Variants in AP4E1 observed in about 807,000 individuals in gnomAD.
The protein encoded by AP4E1 is AP-4 complex subunit epsilon-1.
A neutral mutation model predicts 128.2 loss-of-function variants in AP4E1; 56 were observed. That is an observed-to-expected ratio of 0.44 (90% CI 0.35 to 0.55). The LOEUF is 0.55. Ranked by LOEUF, AP4E1 falls within the 20% of genes least tolerant of loss-of-function variation. AP4E1 has a pLI of 0.00. For missense variants in AP4E1, 1,324 were observed against 1,307.7 expected (o/e 1.01, Z -0.19); for synonymous variants, 484 against 473.1 (o/e 1.02, Z -0.30).
chr15:50,944,730 G>C, intron 10 of AP4E1: 1 of 545,952 alleles, frequency 1.8e-6, no homozygotes, highest in Non-Finnish European at 3.3e-6. Flanking sequence ...CTTACAGAGA[G>C]TTCCAAGAAA....
intron 3 of AP4E1, among the ~76,000 whole-genome samples, chr15:50,922,795 TGAG>T (rs1159046309): frequency 6.6e-6 from 1 of 151,768 alleles, no homozygotes; most frequent in Non-Finnish European, 1.5e-5. Context: ...TTTTTTTTTT[TGAG>T]ACCGAGTCTT....
At chr15:50,951,909 C>A (rs188878996) in intron 13 of AP4E1, among the ~76,000 whole-genome samples, 3 of 151,892 alleles carry the variant, frequency 2.0e-5, no homozygotes, top group African/African-American at 7.2e-5. Context: ...GTATTTTTAG[C>A]AGAGATGGGG....
chr15:50,970,973 T>C (rs150542936), intron 15 of AP4E1, among the ~76,000 whole-genome samples: 1 of 152,302 alleles, frequency 6.6e-6, no homozygotes, highest in African/African-American at 2.4e-5. Context: ...ATTTTTGTAG[T>C]TGGGTGCTTT....
At chr15:50,948,894 A>C (rs12441714) in intron 11 of AP4E1, among the ~76,000 whole-genome samples, 91,643 of 151,076 alleles carry the variant, frequency 0.61, 27,932 homozygotes, top group Non-Finnish European at 0.63. Context: ...ATCGCTTGAA[A>C]CTGGGAGGCG....
Position 50,947,464 on chromosome 15 carries a change from CTG to C in AP4E1, c.1177-555_1177-554del, listed in dbSNP as rs560451493. Among the ~76,000 whole-genome samples, 754 of 151,350 alleles carry C rather than the reference CTG, an allele frequency of 5.0e-3. 11 individuals carry two copies. The highest frequency in any genetic ancestry group is 0.018 in the African/African-American group (730 of 41,258). ...CTATAAAACAGTTCTTCCTTGATGACTGAGATTTTGAACCTAGGCTTTGAAGC... is the reference window on the plus strand; with the variant it reads ...CTATAAAACAGTTCTTCCTTGATGACAGATTTTGAACCTAGGCTTTGAAGC... On this transcript the variant is annotated intron_variant, in intron 10 of 20. Transcript: ENST00000261842.
chr15:50,984,212 C>G (rs2064684600), intron 16 of AP4E1, 67 bp downstream of exon 16: 1 of 1,561,096 alleles, frequency 6.4e-7, no homozygotes, highest in Non-Finnish European at 8.8e-7. Flanking sequence ...GTTCCATTTG[C>G]CTTCTGCTCC....
chr15:50,910,720 A>T (rs553878802), intron 1 of AP4E1, among the ~76,000 whole-genome samples: 9 of 152,184 alleles, frequency 5.9e-5, no homozygotes, highest in African/African-American at 2.2e-4. Flanking sequence ...CAGTGGTGCA[A>T]TCTTGGCTCA....
At chr15:50,960,064 C>T (rs1004895594) in intron 14 of AP4E1, among the ~76,000 whole-genome samples, 1 of 152,014 alleles carries the variant, frequency 6.6e-6, no homozygotes, top group African/African-American at 2.4e-5. Context: ...ATCAGTTTAC[C>T]AAGGGCATAT....
rs1391093642 is a variant in AP4E1 at position 50,966,278 on chromosome 15, G to T, written c.1852-1985G>T. 2.0e-5 allele frequency among the ~76,000 whole-genome samples: 3 copies of T among 152,024 alleles called. No individual in the cohort carries two copies. In the South Asian group the frequency reaches 6.2e-4, roughly 32 times the overall value. ...ATTAGCTGAGAAAGAGAAAATAAAG[G>T]TTATTATTTCCACTAATTTTGACTC... On this transcript the variant is annotated intron_variant, in intron 14 of 20. Transcript: ENST00000261842.
At chr15:50,995,705 A>AT (rs1239250347) in intron 17 of AP4E1, among the ~76,000 whole-genome samples, 2 of 151,656 alleles carry the variant, frequency 1.3e-5, no homozygotes, top group African/African-American at 2.4e-5. Flanking sequence ...TTTTTAAGAC[A>AT]TTTTTTTCTG....
In AP4E1 at chr15:50,993,397, A is replaced by G. The variant is rs1291894058; in HGVS notation, c.2118A>G (p.Ile706Met). The change falls in exon 17 of 21, where the codon ATA becomes ATG. Residue 706 changes from isoleucine (I) to methionine (M), a missense_variant. Coordinates refer to ENST00000261842, the MANE Select transcript of AP4E1 (RefSeq NM_007347.5). ...CAAATAGCTTGAAGCTGGAAGGTAT[A>G]AAGAAATTGTGGGGGAAAGAAGGCT... is the stretch of plus-strand genomic sequence containing the variant. Reference protein sequence around the residue: ...KETNSLKLEGIKKLWGKEGYL... With the variant: ...KETNSLKLEGMKKLWGKEGYL... 1.2e-5 allele frequency: 20 copies of G among 1,613,958 alleles called. No individual in the cohort carries two copies. Among genetic ancestry groups the G allele is most frequent in the Non-Finnish European group, 1.6e-5 (19 of 1,179,924 alleles).
intron 3 of AP4E1, among the ~76,000 whole-genome samples, chr15:50,916,896 C>G (rs78013523): frequency 0.047 from 7,117 of 152,174 alleles, 170 homozygotes; most frequent in African/African-American, 0.072. Context: ...TCCCTAAAGG[C>G]AGGAATTTTT....
At chr15:50,968,156 A>T in intron 14 of AP4E1, 107 bp from the exon 15 acceptor site, 1 of 807,038 alleles carries the variant, frequency 1.2e-6, no homozygotes, top group Non-Finnish European at 2.0e-6. Flanking sequence ...TTCATTTCTC[A>T]TTTAGAATTT....
At chr15:50,989,557 C>T (rs1296331212) in intron 16 of AP4E1, among the ~76,000 whole-genome samples, 1 of 151,570 alleles carries the variant, frequency 6.6e-6, no homozygotes, top group African/African-American at 2.4e-5. Context: ...ATACTCCAAG[C>T]ATGGGGAGCA....
At chr15:50,910,009 C>T (rs1168614881) in intron 1 of AP4E1, among the ~76,000 whole-genome samples, 1 of 151,992 alleles carries the variant, frequency 6.6e-6, no homozygotes, top group African/African-American at 2.4e-5. Context: ...TTTTTAATGA[C>T]GGAGTCTCGC....
chr15:50,995,303 A>C (rs527450733), intron 17 of AP4E1, among the ~76,000 whole-genome samples: 1 of 150,374 alleles, frequency 6.7e-6, no homozygotes, highest in African/African-American at 2.4e-5. Flanking sequence ...ACTAGCTTTT[A>C]TTTTTAGGTC....
intron 2 of AP4E1, among the ~76,000 whole-genome samples, chr15:50,914,574 G>A (rs2063605361): frequency 1.3e-5 from 2 of 148,406 alleles, no homozygotes; most frequent in South Asian, 2.1e-4. Context: ...TCGCTTGAAC[G>A]TGGTAGGTGG....
At chr15:50,995,067 A>G (rs925649603) in intron 17 of AP4E1, among the ~76,000 whole-genome samples, 2 of 152,286 alleles carry the variant, frequency 1.3e-5, no homozygotes, top group East Asian at 1.9e-4. Context: ...GGAACAGTTA[A>G]CAATGACATA....
At chr15:50,962,542 A>C (rs904857922) in intron 14 of AP4E1, among the ~76,000 whole-genome samples, 6 of 152,068 alleles carry the variant, frequency 3.9e-5, no homozygotes, top group African/African-American at 9.7e-5. Flanking sequence ...AAAAGCCTTG[A>C]TATCAGCATG....
Sources: gnomAD v4.1 joint callset for allele counts (sites outside exome capture counted in the v4.1 genomes callset) on GRCh38, gnomAD v4.1.1 for gene constraint, MANE v1.5 for transcripts, NCBI Gene and HGNC (gene_info 2026-07-23, HGNC 2026-07-21) for gene names.